CPS1: variants seen among roughly 807,000 people sequenced by gnomAD.
CPS1 encodes carbamoyl-phosphate synthase [ammonia], mitochondrial.
A neutral mutation model predicts 174.6 loss-of-function variants in CPS1; 109 were observed. That is an observed-to-expected ratio of 0.62 (90% CI 0.53 to 0.73). The LOEUF (loss-of-function observed/expected upper bound fraction) is 0.73. CPS1 is among the 30% of genes least tolerant of loss of function. The pLI is 0.00. For synonymous variants in CPS1, 637 were observed against 632.0 expected (o/e 1.01, Z -0.12); for missense variants, 1,689 against 1,821.9 (o/e 0.93, Z 1.33).
At chr2:210,587,983 C>T (rs922062018) in intron 6 of CPS1, 75 bp from the exon 7 acceptor site, 41 of 1,233,180 alleles carry the variant, frequency 3.3e-5, no homozygotes, top group Non-Finnish European at 4.8e-5. Flanking sequence ...AAAACATTGT[C>T]AGATGTGTTT....
At chr2:210,601,682 G>A (rs560494181) in intron 15 of CPS1, among the ~76,000 whole-genome samples, 63 of 151,940 alleles carry the variant, frequency 4.1e-4, no homozygotes, top group African/African-American at 1.5e-3. Flanking sequence ...ACCATATGTT[G>A]TATTCTGTAA....
intron 1 of CPS1, among the ~76,000 whole-genome samples, chr2:210,482,848 C>T (rs1694609080): frequency 6.6e-6 from 1 of 152,164 alleles, no homozygotes; most frequent in Admixed American, 6.5e-5. Flanking sequence ...TTCACTGCAG[C>T]CTAACCCAAT....
intron 1 of CPS1, among the ~76,000 whole-genome samples, chr2:210,511,408 G>A (rs987424753): frequency 6.6e-6 from 1 of 151,988 alleles, no homozygotes; most frequent in Non-Finnish European, 1.5e-5. Flanking sequence ...GGTAGGGAGA[G>A]CATTAGGAGA....
chr2:210,630,154 A>G (rs555526288), intron 21 of CPS1, among the ~76,000 whole-genome samples: 4 of 151,946 alleles, frequency 2.6e-5, no homozygotes, highest in East Asian at 3.9e-4. Context: ...AAAAATTGCA[A>G]TTAACCTACA....
At chr2:210,596,206 C>T (rs2106119471) in intron 13 of CPS1, among the ~76,000 whole-genome samples, 1 of 152,040 alleles carries the variant, frequency 6.6e-6, no homozygotes, top group East Asian at 1.9e-4. Flanking sequence ...GATCTCCCAA[C>T]ACTTACTGTA....
At chr2:210,556,499 C>A, upstream of CPS1, 1 of 1,260,330 alleles carries the variant, frequency 7.9e-7, no homozygotes, top group African/African-American at 1.5e-5. Context: ...ATTTGTGTTA[C>A]ATGCCCATGG....
At chr2:210,613,417 T>C (rs1699195874) in intron 20 of CPS1, among the ~76,000 whole-genome samples, 1 of 151,856 alleles carries the variant, frequency 6.6e-6, no homozygotes, top group African/African-American at 2.4e-5. Flanking sequence ...CCATGTTGAG[T>C]TTCAAGGTAA....
intron 24 of CPS1, among the ~76,000 whole-genome samples, chr2:210,642,129 G>A (rs1700244559): frequency 6.6e-6 from 1 of 152,054 alleles, no homozygotes; most frequent in African/African-American, 2.4e-5. Context: ...TGTGTATTGA[G>A]GTCAATATAT....
intron 28 of CPS1, among the ~76,000 whole-genome samples, chr2:210,653,746 T>C (rs1369220154): frequency 6.6e-6 from 1 of 152,176 alleles, no homozygotes; most frequent in Admixed American, 6.5e-5. Context: ...GTCCCCTCTT[T>C]TCTCTAATTG....
intron 4 of CPS1, 77 bp from the exon 5 acceptor site, chr2:210,579,637 C>A: frequency 1.7e-6 from 2 of 1,181,562 alleles, no homozygotes; most frequent in Non-Finnish European, 2.5e-6. Context: ...TAGATGAGGC[C>A]AAGTTTGTAA....
At chr2:210,591,717 A>G (rs1698305483) in intron 9 of CPS1, 114 bp from the exon 10 acceptor site, 1 of 1,139,510 alleles carries the variant, frequency 8.8e-7, no homozygotes, top group Admixed American at 2.0e-5. Context: ...TCACTAAGCA[A>G]TTGAAATTTT....
At chr2:210,580,170 A>T (rs1697871737) in intron 5 of CPS1, among the ~76,000 whole-genome samples, 1 of 152,178 alleles carries the variant, frequency 6.6e-6, no homozygotes, top group Admixed American at 6.6e-5. Flanking sequence ...CACTCCAGGA[A>T]GTGTACAGCA....
intron 1 of CPS1, among the ~76,000 whole-genome samples, chr2:210,534,629 T>C (rs1298671948): frequency 6.6e-6 from 1 of 152,208 alleles, no homozygotes; most frequent in Non-Finnish European, 1.5e-5. Context: ...GACATTGTAA[T>C]GGGTTTAAAA....
intron 1 of CPS1, among the ~76,000 whole-genome samples, chr2:210,481,884 T>C (rs1694578921): frequency 6.6e-6 from 1 of 152,232 alleles, no homozygotes; most frequent in African/African-American, 2.4e-5. Context: ...AGCTGGTTCA[T>C]CCTGTGATTG....
intron 33 of CPS1, among the ~76,000 whole-genome samples, chr2:210,664,286 G>C (rs964940033): frequency 1.3e-5 from 2 of 151,938 alleles, no homozygotes; most frequent in African/African-American, 4.8e-5. Flanking sequence ...GATGGCCCAG[G>C]GTTCAGATCA....
chr2:210,663,215 C>A lies in CPS1; in HGVS notation c.4002+18C>A. On this transcript the variant is annotated intron_variant, in intron 33 of 37. Transcript: ENST00000233072. ...CTGGAGAGGTAACTAGTTAATAATCCATGGAAGCTTTCATTAAATCTACTT... is the reference window on the plus strand; with the variant it reads ...CTGGAGAGGTAACTAGTTAATAATCAATGGAAGCTTTCATTAAATCTACTT... 6.3e-7 allele frequency: 1 copy of A among 1,599,628 alleles called. No homozygotes were observed. The highest frequency in any genetic ancestry group is 8.6e-7 in the Non-Finnish European group (1 of 1,167,052).
intron 1 of CPS1, among the ~76,000 whole-genome samples, chr2:210,541,926 T>G (rs936793760): frequency 6.6e-6 from 1 of 152,148 alleles, no homozygotes; most frequent in Non-Finnish European, 1.5e-5. Context: ...GCCACCCGTT[T>G]GATTTCAGTA....
chr2:210,503,925 C>T (rs1190408698), intron 1 of CPS1, among the ~76,000 whole-genome samples: 1 of 152,214 alleles, frequency 6.6e-6, no homozygotes, highest in African/African-American at 2.4e-5. Flanking sequence ...GTGTGCTTCT[C>T]TGATGCTTTT....
chr2:210,491,807 G>A (rs1046951079), intron 1 of CPS1, among the ~76,000 whole-genome samples: 7 of 152,148 alleles, frequency 4.6e-5, no homozygotes, highest in Non-Finnish European at 7.3e-5. Context: ...TTAGGGGAGG[G>A]GGTCCTATAA....
Sources: allele counts gnomAD v4.1 joint callset (sites outside exome capture counted in the v4.1 genomes callset), GRCh38; gene constraint gnomAD v4.1.1; transcripts MANE v1.5; gene names NCBI Gene and HGNC (gene_info 2026-07-23, HGNC 2026-07-21).